GMDS: variants seen among roughly 807,000 people sequenced by gnomAD.
GMDS encodes GDP-mannose 4,6-dehydratase.
In GMDS, 20 loss-of-function variants were observed where a neutral mutation model predicts 49.9. The ratio of observed to expected loss-of-function variants is 0.40; its 90% CI spans 0.28 to 0.58. GMDS has a LOEUF of 0.58. Ranked by LOEUF, GMDS falls within the 20% of genes least tolerant of loss-of-function variation. The pLI, the probability that GMDS is intolerant of heterozygous loss-of-function variation, is 0.42. For missense variants in GMDS, 362 were observed against 481.4 expected (o/e 0.75, Z 2.32); for synonymous variants, 177 against 178.6 (o/e 0.99, Z 0.07).
intron 7 of GMDS, among the ~76,000 whole-genome samples, chr6:1,879,912 C>T (rs968144681): frequency 6.6e-6 from 1 of 152,148 alleles, no homozygotes; most frequent in African/African-American, 2.4e-5. Context: ...ACGACCTACA[C>T]TGCAAGAACA....
At chr6:2,223,821 G>A (rs1780703913) in intron 1 of GMDS, among the ~76,000 whole-genome samples, 1 of 152,184 alleles carries the variant, frequency 6.6e-6, no homozygotes. Context: ...CTCAGGGTCT[G>A]GAACTCAGGA....
intron 4 of GMDS, among the ~76,000 whole-genome samples, chr6:2,051,175 A>C (rs1406778270): frequency 6.6e-6 from 1 of 152,200 alleles, no homozygotes. Context: ...CAGCCTCTAA[A>C]GCTTCAATAG....
At chr6:1,785,004 C>A (rs1769261019) in intron 7 of GMDS, among the ~76,000 whole-genome samples, 1 of 152,202 alleles carries the variant, frequency 6.6e-6, no homozygotes, top group Non-Finnish European at 1.5e-5. Context: ...CAGAAACAAT[C>A]TGTGCTATAA....
intron 4 of GMDS, among the ~76,000 whole-genome samples, chr6:2,106,292 C>G (rs1252457585): frequency 3.3e-5 from 5 of 152,142 alleles, no homozygotes; most frequent in African/African-American, 1.2e-4. Flanking sequence ...TTACGCATTA[C>G]ATTTTTTGAA....
chr6:1,986,478 G>A (rs1373288577), intron 4 of GMDS, among the ~76,000 whole-genome samples: 2 of 152,138 alleles, frequency 1.3e-5, no homozygotes, highest in African/African-American at 4.8e-5. Flanking sequence ...ACCTTAAAGA[G>A]GGCAGAAAAT....
intron 7 of GMDS, among the ~76,000 whole-genome samples, chr6:1,832,100 A>T (rs1246517678): frequency 6.6e-6 from 1 of 151,776 alleles, no homozygotes; most frequent in East Asian, 2.0e-4. Context: ...CATGTCTATA[A>T]TCCTAGCACT....
intron 7 of GMDS, among the ~76,000 whole-genome samples, chr6:1,918,196 A>C (rs1761506542): frequency 1.3e-5 from 2 of 152,072 alleles, no homozygotes; most frequent in Non-Finnish European, 2.9e-5. Flanking sequence ...ATAATAATAG[A>C]GCCCTCCTTG....
At chr6:1,839,917 C>T (rs1031086311) in intron 7 of GMDS, among the ~76,000 whole-genome samples, 1 of 152,092 alleles carries the variant, frequency 6.6e-6, no homozygotes, top group Non-Finnish European at 1.5e-5. Flanking sequence ...GGCTCGCAAT[C>T]GTGAAAGGAA....
At chr6:1,842,734 G>C (rs1486687796) in intron 7 of GMDS, among the ~76,000 whole-genome samples, 4 of 152,176 alleles carry the variant, frequency 2.6e-5, no homozygotes, top group Non-Finnish European at 4.4e-5. Context: ...CCTATTTTGA[G>C]GGGTGGGGAT....
At chr6:1,781,147 C>T (rs689035) in intron 7 of GMDS, among the ~76,000 whole-genome samples, 16,921 of 151,992 alleles carry the variant, frequency 0.11, 1,087 homozygotes, top group East Asian at 0.21. Flanking sequence ...AAGCTCTTTG[C>T]TGACCAACAG....
Position 2,012,112 on chromosome 6 carries a change from A to G in GMDS, c.346-51146T>C, listed in dbSNP as rs1255126054. On this transcript the variant is annotated intron_variant, in intron 4 of 10. Transcript: ENST00000380815. Reference sequence around the variant, plus strand: ...GAATAAAAGATATCACAGACTTGGAAGGGCAGGAGGGGGGTGAGGGATGAG... The same window carrying G: ...GAATAAAAGATATCACAGACTTGGAGGGGCAGGAGGGGGGTGAGGGATGAG... 2.0e-5 allele frequency among the ~76,000 whole-genome samples: 3 copies of G among 152,078 alleles called. No individual in the cohort carries two copies. In the South Asian group the frequency reaches 6.2e-4, roughly 31 times the overall value.
At chr6:1,795,004 AC>A (rs1175494126) in intron 7 of GMDS, among the ~76,000 whole-genome samples, 2 of 152,112 alleles carry the variant, frequency 1.3e-5, no homozygotes, top group Non-Finnish European at 2.9e-5. Context: ...AGCCTGGGAA[AC>A]ATAGCGAAGC....
chr6:2,048,483 G>T (rs1024837155), intron 4 of GMDS, among the ~76,000 whole-genome samples: 2 of 152,116 alleles, frequency 1.3e-5, no homozygotes, highest in Non-Finnish European at 2.9e-5. Context: ...CTTCCCCCAT[G>T]CTATGTTTTC....
At chr6:1,820,660 C>A (rs1770852048) in intron 7 of GMDS, among the ~76,000 whole-genome samples, 6 of 152,178 alleles carry the variant, frequency 3.9e-5, no homozygotes, top group Admixed American at 3.9e-4. Flanking sequence ...AAGCAGCACT[C>A]ATTATTTCTT....
intron 4 of GMDS, among the ~76,000 whole-genome samples, chr6:2,042,854 A>C (rs1237077513): frequency 6.6e-6 from 1 of 152,216 alleles, no homozygotes; most frequent in Non-Finnish European, 1.5e-5. Context: ...TCGTTTCCTT[A>C]AATTAAGACA....
chr6:2,137,630 G>A lies in GMDS; in HGVS notation c.103-12899C>T, dbSNP rs77581365. On this transcript the variant is annotated intron_variant, in intron 1 of 10. Transcript: ENST00000380815. Reference sequence around the variant, plus strand: ...ATTGCAGGTGTGAGCCACCGCGCCCGGCCCATATTCCCTTTTTAAGTACTG... The same window carrying A: ...ATTGCAGGTGTGAGCCACCGCGCCCAGCCCATATTCCCTTTTTAAGTACTG... 5.2e-3 allele frequency among the ~76,000 whole-genome samples: 794 copies of A among 152,238 alleles called. 15 individuals are homozygous for A. Among genetic ancestry groups the A allele is most frequent in the African/African-American group, 0.018 (756 of 41,544 alleles).
chr6:1,658,870 T>C (rs1392850175), intron 9 of GMDS, among the ~76,000 whole-genome samples: 2 of 152,214 alleles, frequency 1.3e-5, no homozygotes, highest in Admixed American at 1.3e-4. Flanking sequence ...GAGAGTTTGC[T>C]TAGAGAAAAG....
At chr6:1,896,558 G>A (rs1310878323) in intron 7 of GMDS, among the ~76,000 whole-genome samples, 10 of 152,234 alleles carry the variant, frequency 6.6e-5, no homozygotes, top group Middle Eastern at 6.8e-3. Context: ...AGCGGGGAAG[G>A]GGGCTCGGTG....
chr6:1,656,484 C>G (rs1437963268), intron 9 of GMDS, among the ~76,000 whole-genome samples: 3 of 152,048 alleles, frequency 2.0e-5, no homozygotes, highest in African/African-American at 7.2e-5. Flanking sequence ...TTTTCTGGGG[C>G]CGGGAGTGGT....
Sources: allele counts gnomAD v4.1 joint callset (sites outside exome capture counted in the v4.1 genomes callset), GRCh38; gene constraint gnomAD v4.1.1; transcripts MANE v1.5; gene names NCBI Gene and HGNC (gene_info 2026-07-23, HGNC 2026-07-21).